The following RBFOX1 variants were observed in gnomAD, a reference collection of about 807,000 sequenced individuals.
RBFOX1 encodes RNA binding fox-1 homolog 1.
RBFOX1 carries 8 observed loss-of-function variants against 57.7 expected under a neutral mutation model. The ratio of observed to expected loss-of-function variants is 0.14; its 90% CI spans 0.08 to 0.25. The LOEUF is 0.25. RBFOX1 is among the 10% of genes least tolerant of loss of function. The pLI, the probability that RBFOX1 is intolerant of heterozygous loss-of-function variation, is 1.00. For synonymous variants in RBFOX1, 326 were observed against 222.4 expected (o/e 1.47, Z -4.15); for missense variants, 611 against 548.5 (o/e 1.11, Z -1.14).
intron 1 of RBFOX1, among the ~76,000 whole-genome samples, chr16:5,298,005 C>T (rs1040176882): frequency 1.3e-5 from 2 of 152,140 alleles, no homozygotes; most frequent in Admixed American, 1.3e-4. Context: ...TAGAATTGAA[C>T]ACAATGTTAT....
intron 1 of RBFOX1, among the ~76,000 whole-genome samples, chr16:6,265,851 C>A (rs1356340596): frequency 6.6e-6 from 1 of 152,136 alleles, no homozygotes; most frequent in Non-Finnish European, 1.5e-5. Flanking sequence ...TCTTCTTGCT[C>A]CCTCTCCTCC....
chr16:5,439,792 C>G (rs564814898), intron 1 of RBFOX1, among the ~76,000 whole-genome samples: 1 of 152,062 alleles, frequency 6.6e-6, no homozygotes, highest in African/African-American at 2.4e-5. Flanking sequence ...GGGGAGGCCT[C>G]AGGAAACTTA....
chr16:5,542,110 G>T (rs1356799669), intron 2 of RBFOX1, among the ~76,000 whole-genome samples: 1 of 152,138 alleles, frequency 6.6e-6, no homozygotes, highest in African/African-American at 2.4e-5. Flanking sequence ...TTATGAACAT[G>T]ATGGTAGCCG....
rs554024136 is a variant in RBFOX1, at chr16:6,849,868, C to A, written c.-16+195218C>A. 2.0e-5 allele frequency among the ~76,000 whole-genome samples: 3 copies of A among 152,232 alleles called. No homozygotes were observed. In the East Asian group the frequency reaches 5.8e-4, roughly 29 times the overall value. ...TGCCTTATTTTTCTTCCTACCCTGC[C>A]ACTTAACTCTCCCTGATTTATAATT... On this transcript the variant is annotated intron_variant, in intron 3 of 15. Transcript: ENST00000550418.
chr16:5,756,442 C>T (rs774748214), intron 3 of RBFOX1, among the ~76,000 whole-genome samples: 17 of 152,052 alleles, frequency 1.1e-4, no homozygotes, highest in African/African-American at 4.1e-4. Context: ...TCAGGGATCA[C>T]CTTTGCGGTG....
intron 3 of RBFOX1, among the ~76,000 whole-genome samples, chr16:6,745,370 G>C (rs1368099034): frequency 6.6e-6 from 1 of 152,090 alleles, no homozygotes; most frequent in African/African-American, 2.4e-5. Flanking sequence ...CCACAGACTA[G>C]TCTTCCTCAT....
At chr16:7,375,591 G>A (rs1041468308) in intron 4 of RBFOX1, among the ~76,000 whole-genome samples, 2 of 150,848 alleles carry the variant, frequency 1.3e-5, no homozygotes, top group African/African-American at 2.4e-5. Flanking sequence ...TACTCTTCTC[G>A]ATCCCCTAGT....
intron 2 of RBFOX1, among the ~76,000 whole-genome samples, chr16:5,472,680 G>A (rs372084843): frequency 6.6e-6 from 1 of 152,104 alleles, no homozygotes. Context: ...AATTCACAGC[G>A]CCTTCCCTGT....
intron 3 of RBFOX1, among the ~76,000 whole-genome samples, chr16:5,616,866 C>T (rs908473752): frequency 1.3e-5 from 2 of 150,000 alleles, no homozygotes; most frequent in African/African-American, 4.9e-5. Context: ...TCCTCCCTTC[C>T]CCACCCCTCC....
At chr16:6,164,941 GA>G (rs568306640) in intron 1 of RBFOX1, among the ~76,000 whole-genome samples, 1 of 152,214 alleles carries the variant, frequency 6.6e-6, no homozygotes, top group East Asian at 1.9e-4. Flanking sequence ...AGTTTGGGGG[GA>G]AAGTGTGCAG....
At chr16:5,757,756 G>A (rs1004977898) in intron 3 of RBFOX1, among the ~76,000 whole-genome samples, 8 of 152,206 alleles carry the variant, frequency 5.3e-5, no homozygotes, top group African/African-American at 1.9e-4. Flanking sequence ...GGAAAGTGAG[G>A]CTTGAAAAGG....
chr16:6,637,841 T>C (rs947794443), intron 2 of RBFOX1, among the ~76,000 whole-genome samples: 1 of 152,032 alleles, frequency 6.6e-6, no homozygotes. Flanking sequence ...CTGCACTGGA[T>C]TACAATTCTG....
chr16:6,307,369 G>C (rs372313611), intron 1 of RBFOX1, among the ~76,000 whole-genome samples: 2 of 150,066 alleles, frequency 1.3e-5, no homozygotes, highest in African/African-American at 5.1e-5. Context: ...GTGACAGAGA[G>C]AGACTCATCT....
At chr16:7,006,224 G>T (rs142542623) in intron 3 of RBFOX1, among the ~76,000 whole-genome samples, 1 of 151,966 alleles carries the variant, frequency 6.6e-6, no homozygotes, top group African/African-American at 2.4e-5. Context: ...GCACGATCTC[G>T]GTTCACTGCA....
At chr16:6,779,435 G>C (rs995997344) in intron 3 of RBFOX1, among the ~76,000 whole-genome samples, 2 of 151,688 alleles carry the variant, frequency 1.3e-5, no homozygotes, top group Non-Finnish European at 2.9e-5. Flanking sequence ...CACTCAGGTT[G>C]ATTTCATAAC....
intron 1 of RBFOX1, among the ~76,000 whole-genome samples, chr16:5,374,251 T>A (rs1384396748): frequency 6.6e-6 from 1 of 152,212 alleles, no homozygotes; most frequent in Non-Finnish European, 1.5e-5. Context: ...CAGTTTCAGG[T>A]AGTTATTTAT....
chr16:7,001,126 C>T (rs932152099), intron 3 of RBFOX1, among the ~76,000 whole-genome samples: 4 of 152,066 alleles, frequency 2.6e-5, no homozygotes, highest in Non-Finnish European at 5.9e-5. Flanking sequence ...TATCTTCCTT[C>T]ATTTTTTTCC....
At chr16:7,653,656 G>T (rs1379253376) in intron 11 of RBFOX1, among the ~76,000 whole-genome samples, 159 bp from the exon 12 acceptor site, 1 of 152,314 alleles carries the variant, frequency 6.6e-6, no homozygotes, top group East Asian at 1.9e-4. Flanking sequence ...CCTGGCCACC[G>T]TGCTGCTCTC....
At chr16:5,476,625 T>G (rs2069334558) in intron 2 of RBFOX1, among the ~76,000 whole-genome samples, 1 of 152,174 alleles carries the variant, frequency 6.6e-6, no homozygotes, top group African/African-American at 2.4e-5. Flanking sequence ...AATTAAGTGT[T>G]TTGAGTAGTG....
Sources: allele counts gnomAD v4.1 joint callset (sites outside exome capture counted in the v4.1 genomes callset), GRCh38; gene constraint gnomAD v4.1.1; transcripts MANE v1.5; gene names NCBI Gene and HGNC (gene_info 2026-07-23, HGNC 2026-07-21).